Variants in RHOBTB1 observed in about 807,000 individuals in gnomAD.
RHOBTB1 encodes the protein rho-related BTB domain-containing protein 1.
In RHOBTB1, 40 loss-of-function variants were observed where a neutral mutation model predicts 71.6. The observed-to-expected ratio is 0.56, with a 90% confidence interval of 0.43 to 0.73. The LOEUF (loss-of-function observed/expected upper bound fraction) is 0.73. Ranked by LOEUF, RHOBTB1 falls within the 30% of genes least tolerant of loss-of-function variation. The probability of loss-of-function intolerance (pLI) is 0.00; values close to 1 mark genes in which losing one functional copy is unlikely to be tolerated. For synonymous variants in RHOBTB1, 319 were observed against 334.9 expected (o/e 0.95, Z 0.52); for missense variants, 797 against 894.0 (o/e 0.89, Z 1.38).
the RHOBTB1 span, among the ~76,000 whole-genome samples, chr10:60,863,374 C>T: frequency 1.0e-3 from 159 of 152,140 alleles, 2 homozygotes; most frequent in Middle Eastern, 0.01. Flanking sequence ...TACACAGTGG[C>T]AACAGAGGAT....
intron 2 of RHOBTB1, among the ~76,000 whole-genome samples, chr10:60,966,890 A>C: frequency 6.9e-6 from 1 of 145,870 alleles, no homozygotes; most frequent in African/African-American, 2.5e-5. Context: ...TCCTGTGTCC[A>C]AGTGTTCTAT....
intron 1 of RHOBTB1, among the ~76,000 whole-genome samples, chr10:60,997,435 C>G (rs1431445606): frequency 1.3e-5 from 2 of 152,068 alleles, no homozygotes; most frequent in Non-Finnish European, 1.5e-5. Flanking sequence ...ATTTTTATGC[C>G]CTCTAAACTT....
intron 5 of RHOBTB1, among the ~76,000 whole-genome samples, chr10:60,892,528 A>ATC (rs1243327396): frequency 6.6e-6 from 1 of 152,254 alleles, no homozygotes; most frequent in Non-Finnish European, 1.5e-5. Flanking sequence ...CTAATACTTT[A>ATC]TACTTTTCAA....
intron 2 of RHOBTB1, among the ~76,000 whole-genome samples, chr10:60,963,990 C>G (rs1230302746): frequency 1.3e-5 from 2 of 152,090 alleles, no homozygotes; most frequent in Non-Finnish European, 2.9e-5. Context: ...CATCTTGTCA[C>G]CTTTCCCCAC....
At chr10:60,913,037 T>C (rs766805473) in intron 2 of RHOBTB1, 4 of 152,174 alleles carry the variant, frequency 2.6e-5, no homozygotes, top group Admixed American at 6.5e-5. Context: ...GCCTAATACA[T>C]AATTGGGACT....
intron 2 of RHOBTB1, among the ~76,000 whole-genome samples, chr10:60,929,860 G>T (rs2084129212): frequency 1.3e-5 from 2 of 152,086 alleles, no homozygotes; most frequent in Admixed American, 6.5e-5. Context: ...AAATACTAAG[G>T]CTAAATTAAT....
At chr10:60,999,428 T>C (rs2087178473) in intron 1 of RHOBTB1, among the ~76,000 whole-genome samples, 1 of 152,216 alleles carries the variant, frequency 6.6e-6, no homozygotes, top group Non-Finnish European at 1.5e-5. Context: ...GAAACGGGTT[T>C]TACTCTAGGA....
chr10:60,892,741 A>C, intron 5 of RHOBTB1, 69 bp downstream of exon 5: 1 of 1,367,832 alleles, frequency 7.3e-7, no homozygotes, highest in South Asian at 1.4e-5. Flanking sequence ...ACACCAGGCT[A>C]CAGAGACACC....
intron 5 of RHOBTB1, 42 bp downstream of exon 5, chr10:60,892,768 T>G (rs2081982038): frequency 6.4e-7 from 1 of 1,553,892 alleles, no homozygotes; most frequent in Non-Finnish European, 8.7e-7. Flanking sequence ...CTGTAAATTT[T>G]AACTTGGTCA....
At chr10:60,886,531 C>G (rs576649610) in intron 6 of RHOBTB1, among the ~76,000 whole-genome samples, 1 of 152,106 alleles carries the variant, frequency 6.6e-6, no homozygotes, top group Admixed American at 6.5e-5. Context: ...GCATATAAAA[C>G]AGTGGAACGA....
intron 4 of RHOBTB1, among the ~76,000 whole-genome samples, chr10:60,893,566 C>G (rs1298270878): frequency 6.6e-6 from 1 of 152,106 alleles, no homozygotes; most frequent in East Asian, 1.9e-4. Context: ...AAAGAAAAAT[C>G]CTGAATTTGC....
intron 2 of RHOBTB1, among the ~76,000 whole-genome samples, chr10:60,970,402 A>C (rs1181948114): frequency 6.6e-6 from 1 of 152,094 alleles, no homozygotes; most frequent in African/African-American, 2.4e-5. Context: ...AGAGACAGGA[A>C]TATTAATAAT....
intron 2 of RHOBTB1, among the ~76,000 whole-genome samples, chr10:60,954,721 T>G (rs1002263734): frequency 1.3e-5 from 2 of 152,170 alleles, no homozygotes; most frequent in Non-Finnish European, 2.9e-5. Context: ...ACAAAATTAT[T>G]TTTGAAATTA....
intron 2 of RHOBTB1, among the ~76,000 whole-genome samples, chr10:60,918,469 T>A (rs767388009): frequency 6.6e-6 from 1 of 152,160 alleles, no homozygotes; most frequent in Non-Finnish European, 1.5e-5. Flanking sequence ...TCTGCCCCCA[T>A]AACTCAATAA....
chr10:60,888,107 C>T (rs1379821571), intron 6 of RHOBTB1, 105 bp downstream of exon 6: 10 of 1,263,658 alleles, frequency 7.9e-6, no homozygotes, highest in East Asian at 2.5e-5. Context: ...AAAATAAGTA[C>T]GTATAAATGT....
intron 2 of RHOBTB1, among the ~76,000 whole-genome samples, chr10:60,955,043 C>CTTTTTTTTTTTT (rs34012455): frequency 4.2e-4 from 47 of 112,688 alleles, no homozygotes; most frequent in East Asian, 1.5e-3. Context: ...TTCTTTCTTT[C>CTTTTTTTTTTTT]TTTTTTTTTT....
At chr10:60,968,811 C>T (rs1212902319) in intron 2 of RHOBTB1, among the ~76,000 whole-genome samples, 1 of 152,034 alleles carries the variant, frequency 6.6e-6, no homozygotes, top group Non-Finnish European at 1.5e-5. Flanking sequence ...TGGATTTCTA[C>T]AGGATGTTCG....
chr10:60,986,289 A>G (rs532260269), intron 1 of RHOBTB1, among the ~76,000 whole-genome samples: 1 of 151,944 alleles, frequency 6.6e-6, no homozygotes, highest in Admixed American at 6.6e-5. Context: ...GTCAAATGAG[A>G]TAATGTTTGG....
In RHOBTB1 at chr10:60,972,227, C is replaced by T. The variant is rs149416212; in HGVS notation, c.-62+13618G>A. Among the ~76,000 whole-genome samples, 915 of 152,130 alleles carry T rather than the reference C, an allele frequency of 6.0e-3. 10 individuals are homozygous for T. The highest frequency in any genetic ancestry group is 0.021 in the African/African-American group (871 of 41,518). On this transcript the variant is annotated intron_variant, in intron 2 of 11. Coordinates refer to the RHOBTB1 transcript ENST00000357917. ...TGATTATAAACCATTCTACTATAGACACAAGCACATGTATGTTTATTGTGG... is the reference window on the plus strand; with the variant it reads ...TGATTATAAACCATTCTACTATAGATACAAGCACATGTATGTTTATTGTGG...
Sources: gnomAD v4.1 joint callset for allele counts (sites outside exome capture counted in the v4.1 genomes callset) on GRCh38, gnomAD v4.1.1 for gene constraint, MANE v1.5 for transcripts, NCBI Gene and HGNC (gene_info 2026-07-23, HGNC 2026-07-21) for gene names.